Variants in FGF12 observed in about 807,000 individuals in gnomAD.
The protein encoded by FGF12 is fibroblast growth factor 12B.
In FGF12, 14 loss-of-function variants were observed where a neutral mutation model predicts 23.6. The ratio of observed to expected loss-of-function variants is 0.59; its 90% CI spans 0.39 to 0.93. The LOEUF (loss-of-function observed/expected upper bound fraction) is 0.93. FGF12 is among the 40% of genes least tolerant of loss of function. The pLI, the probability that FGF12 is intolerant of heterozygous loss-of-function variation, is 0.00. For missense variants in FGF12, 175 were observed against 217.8 expected, an observed-to-expected ratio of 0.80 and a Z score of 1.24; for synonymous variants, 62 against 77.3, an observed-to-expected ratio of 0.80 and a Z score of 1.04.
chr3:192,148,808 A>G (rs1713872752), intron 5 of FGF12, among the ~76,000 whole-genome samples: 2 of 152,224 alleles, frequency 1.3e-5, no homozygotes, highest in African/African-American at 4.8e-5. Context: ...CTGAGGAGGT[A>G]CAGGGCGAGG....
intron 2 of FGF12, among the ~76,000 whole-genome samples, chr3:192,488,747 C>T (rs1208590113): frequency 6.6e-6 from 1 of 152,020 alleles, no homozygotes; most frequent in Non-Finnish European, 1.5e-5. Context: ...AACCTGATTC[C>T]TAAGACTTGT....
chr3:192,530,773 A>G (rs1344611450), intron 2 of FGF12, among the ~76,000 whole-genome samples: 4 of 152,110 alleles, frequency 2.6e-5, no homozygotes, highest in African/African-American at 4.8e-5. Context: ...GAACCACTGA[A>G]CTGTACACAT....
chr3:192,321,733 T>C (rs995864806), intron 4 of FGF12, among the ~76,000 whole-genome samples: 1 of 152,144 alleles, frequency 6.6e-6, no homozygotes, highest in Non-Finnish European at 1.5e-5. Context: ...ATCTTTGTAA[T>C]TGATGCTGAA....
Position 192,268,260 on chromosome 3 carries a change from G to A in FGF12, c.228+67101C>T, listed in dbSNP as rs73064561. ...AATTCTGCTGCTTCCAATTTTCCAC[G>A]AAGAGCTCATCCTTCAAGCATCTAC... On this transcript the variant is annotated intron_variant, in intron 4 of 5. Transcript: ENST00000445105. Among the ~76,000 whole-genome samples the A allele has an allele frequency of 1.4e-3, 214 of 152,154 alleles. 1 individual carries two copies. Among genetic ancestry groups the A allele is most frequent in the African/African-American group, 4.9e-3 (203 of 41,534 alleles).
intron 2 of FGF12, among the ~76,000 whole-genome samples, chr3:192,687,849 A>G (rs1717811366): frequency 6.6e-6 from 1 of 152,150 alleles, no homozygotes; most frequent in Non-Finnish European, 1.5e-5. Context: ...GCCATCATGC[A>G]TGTGTACACT....
chr3:192,278,682 G>A (rs975383691), intron 4 of FGF12, among the ~76,000 whole-genome samples: 2 of 152,178 alleles, frequency 1.3e-5, no homozygotes, highest in African/African-American at 4.8e-5. Flanking sequence ...ATGGTAGAAA[G>A]TGGAAAACCA....
intron 5 of FGF12, among the ~76,000 whole-genome samples, chr3:192,166,933 A>C (rs148107276): frequency 1.5e-4 from 23 of 152,250 alleles, no homozygotes; most frequent in African/African-American, 5.1e-4. Flanking sequence ...AGTGAATCTG[A>C]TTTAGAATGC....
At chr3:192,641,812 A>C (rs1386646231) in intron 2 of FGF12, among the ~76,000 whole-genome samples, 1 of 152,236 alleles carries the variant, frequency 6.6e-6, no homozygotes, top group African/African-American at 2.4e-5. Context: ...ATTGAAACAC[A>C]GCTATGACCA....
intron 2 of FGF12, among the ~76,000 whole-genome samples, chr3:192,613,363 C>G (rs542848329): frequency 6.6e-6 from 1 of 151,806 alleles, no homozygotes; most frequent in Non-Finnish European, 1.5e-5. Context: ...CACAGGTATA[C>G]CACAGATATC....
intron 3 of FGF12, among the ~76,000 whole-genome samples, chr3:192,338,631 C>T (rs1267854309): frequency 6.6e-6 from 1 of 152,120 alleles, no homozygotes; most frequent in Non-Finnish European, 1.5e-5. Context: ...TACTCCCCAG[C>T]GGGTGTTGGC....
intron 5 of FGF12, among the ~76,000 whole-genome samples, chr3:192,167,982 A>C (rs1054177818): frequency 6.6e-6 from 1 of 150,900 alleles, no homozygotes; most frequent in Non-Finnish European, 1.5e-5. Flanking sequence ...GGTCAGGCTG[A>C]TCTCAAACTC....
At chr3:192,546,458 A>T (rs1240449691) in intron 2 of FGF12, among the ~76,000 whole-genome samples, 1 of 147,750 alleles carries the variant, frequency 6.8e-6, no homozygotes, top group Non-Finnish European at 1.5e-5. Context: ...AATCTGTAAC[A>T]TGTTTGTCAT....
rs538958394 is a variant in FGF12 at position 192,301,845 on chromosome 3, C to A, written c.228+33516G>T. 3.3e-5 allele frequency among the ~76,000 whole-genome samples: 5 copies of A among 152,062 alleles called. No individual in the cohort carries two copies. The South Asian group carries it at 1.0e-3, about 32-fold the overall frequency. On this transcript the variant is annotated intron_variant, in intron 4 of 5. Coordinates refer to ENST00000445105, the MANE Select transcript of FGF12 (RefSeq NM_004113.6). Reference sequence around the variant, plus strand: ...AGTAGAAGTCAGGTAAGGAAGGGAGCAGGGAAAGAAACAAGGAGGAGGAGG... The same window carrying A: ...AGTAGAAGTCAGGTAAGGAAGGGAGAAGGGAAAGAAACAAGGAGGAGGAGG...
chr3:192,410,918 G>A (rs1412673177), intron 2 of FGF12, among the ~76,000 whole-genome samples: 1 of 152,188 alleles, frequency 6.6e-6, no homozygotes, highest in Non-Finnish European at 1.5e-5. Context: ...CTCCATTTAT[G>A]CTAAAGTCTG....
In FGF12 at chr3:192,293,028, C is replaced by T. The variant is rs114263164; in HGVS notation, c.228+42333G>A. 8.2e-3 allele frequency among the ~76,000 whole-genome samples: 1,252 copies of T among 152,248 alleles called. 17 individuals carry two copies. Among genetic ancestry groups the T allele is most frequent in the African/African-American group, 0.029 (1,195 of 41,566 alleles). On this transcript the variant is annotated intron_variant, in intron 4 of 5. Coordinates refer to ENST00000445105, the MANE Select transcript of FGF12 (RefSeq NM_004113.6). The stretch of plus-strand genomic sequence containing the variant: ...CTCCTGGCCTCAAGCAGTCCTCCCA[C>T]TTCATCCTACCAACGTGCTGGGATT...
chr3:192,203,704 G>T (rs952634540), intron 4 of FGF12, among the ~76,000 whole-genome samples: 1 of 151,680 alleles, frequency 6.6e-6, no homozygotes, highest in African/African-American at 2.4e-5. Flanking sequence ...AAGTAGTTCA[G>T]ATTATAGATT....
chr3:192,275,362 C>T (rs1713713975), intron 4 of FGF12, among the ~76,000 whole-genome samples: 1 of 131,118 alleles, frequency 7.6e-6, no homozygotes, highest in South Asian at 3.0e-4. Context: ...TTGAAAAGAC[C>T]AATTTGCTTT....
At chr3:192,239,479 T>C (rs1159475705) in intron 4 of FGF12, among the ~76,000 whole-genome samples, 1 of 152,162 alleles carries the variant, frequency 6.6e-6, no homozygotes, top group African/African-American at 2.4e-5. Flanking sequence ...TCTTCAAGTG[T>C]GTGATGGACC....
chr3:192,183,874 G>A (rs181030696), intron 4 of FGF12, among the ~76,000 whole-genome samples: 97 of 152,234 alleles, frequency 6.4e-4, no homozygotes, highest in African/African-American at 2.2e-3. Flanking sequence ...TTGCCACAGT[G>A]GGTGCTTTGC....
Sources: allele counts gnomAD v4.1 joint callset (sites outside exome capture counted in the v4.1 genomes callset), GRCh38; gene constraint gnomAD v4.1.1; transcripts MANE v1.5; gene names NCBI Gene and HGNC (gene_info 2026-07-23, HGNC 2026-07-21).